TMEM117: variants seen among roughly 807,000 people sequenced by gnomAD.
TMEM117 encodes the protein transmembrane protein 117.
A neutral mutation model predicts 52.4 loss-of-function variants in TMEM117; 27 were observed. That is an observed-to-expected ratio of 0.51 (90% CI 0.38 to 0.71). TMEM117 has a LOEUF of 0.71. Ranked by LOEUF, TMEM117 falls within the 30% of genes least tolerant of loss-of-function variation. The pLI, the probability that TMEM117 is intolerant of heterozygous loss-of-function variation, is 0.00. For missense variants in TMEM117, 556 were observed against 630.5 expected (o/e 0.88, Z 1.26); for synonymous variants, 215 against 206.3 (o/e 1.04, Z -0.36).
At chr12:43,802,145 G>A in the TMEM117 span, 7 of 503,446 alleles carry the variant, frequency 1.4e-5, no homozygotes, top group South Asian at 5.1e-5. Flanking sequence ...CTGATTCTCC[G>A]TTATCAATCC....
intron 4 of TMEM117, among the ~76,000 whole-genome samples, chr12:44,194,423 A>G (rs1949392665): frequency 6.6e-6 from 1 of 152,220 alleles, no homozygotes. Flanking sequence ...TGCTAATTTA[A>G]GTATGCAGAG....
chr12:44,233,070 G>T (rs566676295), intron 5 of TMEM117, among the ~76,000 whole-genome samples: 1 of 151,236 alleles, frequency 6.6e-6, no homozygotes, highest in East Asian at 1.9e-4. Flanking sequence ...TCTTGTGAAT[G>T]ACAGCTTTGT....
chr12:44,014,190 G>A (rs1245459837), intron 3 of TMEM117, among the ~76,000 whole-genome samples: 1 of 152,152 alleles, frequency 6.6e-6, no homozygotes, highest in Non-Finnish European at 1.5e-5. Flanking sequence ...GCCATTGCAG[G>A]TAGACGGGCC....
intron 6 of TMEM117, among the ~76,000 whole-genome samples, chr12:44,359,265 A>G (rs558436731): frequency 3.2e-3 from 492 of 151,570 alleles, no homozygotes; most frequent in Non-Finnish European, 6.0e-3. Flanking sequence ...TAGAGTGTGT[A>G]TATATATATA....
rs1946474324 is a variant in TMEM117 at position 44,022,730 on chromosome 12, A to T, written c.410+78388A>T. Among the ~76,000 whole-genome samples the T allele has an allele frequency of 2.6e-5, 4 of 152,232 alleles. No homozygotes were observed. The South Asian group carries it at 8.3e-4, about 32-fold the overall frequency. ...TATTAGGAAGGGATAACACTCAGCAATAAAAGTTTCCCCAAATCATCAAAA... is the reference window on the plus strand; with the variant it reads ...TATTAGGAAGGGATAACACTCAGCATTAAAAGTTTCCCCAAATCATCAAAA... On this transcript the variant is annotated intron_variant, in intron 3 of 7. Coordinates refer to ENST00000266534, the MANE Select transcript of TMEM117 (RefSeq NM_032256.3).
At chr12:44,166,779 A>T (rs1235302690) in intron 4 of TMEM117, among the ~76,000 whole-genome samples, 1 of 152,170 alleles carries the variant, frequency 6.6e-6, no homozygotes, top group Non-Finnish European at 1.5e-5. Flanking sequence ...GATAAGAGCA[A>T]TTTCAGCACA....
intron 3 of TMEM117, among the ~76,000 whole-genome samples, chr12:44,003,412 C>T (rs1946145106): frequency 6.6e-6 from 1 of 152,240 alleles, no homozygotes; most frequent in Non-Finnish European, 1.5e-5. Context: ...GAATTCCTGA[C>T]TTCCAACCTC....
chr12:44,132,528 A>G (rs1366790581), intron 3 of TMEM117, among the ~76,000 whole-genome samples: 2 of 152,018 alleles, frequency 1.3e-5, no homozygotes, highest in East Asian at 3.9e-4. Context: ...TGAGCTTCTC[A>G]TCCCTGAGCA....
At chr12:43,997,786 T>C (rs755678417) in intron 3 of TMEM117, among the ~76,000 whole-genome samples, 26 of 152,188 alleles carry the variant, frequency 1.7e-4, no homozygotes, top group Non-Finnish European at 2.6e-4. Context: ...ATTCTTATTA[T>C]TGATATGCCA....
chr12:43,905,597 C>G (rs1944373165), intron 2 of TMEM117, among the ~76,000 whole-genome samples: 1 of 152,080 alleles, frequency 6.6e-6, no homozygotes. Flanking sequence ...TTTCTGGGCT[C>G]TTTGATCTGC....
intron 5 of TMEM117, among the ~76,000 whole-genome samples, chr12:44,277,733 A>ACTG (rs1950531220): frequency 1.4e-5 from 2 of 140,446 alleles, no homozygotes; most frequent in African/African-American, 5.4e-5. Context: ...TGCTGCATCT[A>ACTG]CTGCCACTAG....
At chr12:43,938,065 G>A (rs1482489905) in intron 2 of TMEM117, among the ~76,000 whole-genome samples, 12 of 151,878 alleles carry the variant, frequency 7.9e-5, no homozygotes, top group Admixed American at 2.6e-4. Context: ...AAAAGAGCCC[G>A]TAGGGATTTT....
At chr12:44,013,218 T>C (rs954166681) in intron 3 of TMEM117, among the ~76,000 whole-genome samples, 2 of 151,952 alleles carry the variant, frequency 1.3e-5, no homozygotes, top group African/African-American at 4.8e-5. Flanking sequence ...TTTGTAGAGA[T>C]GGGGTTTCGC....
chr12:44,286,732 T>G (rs1950643438), intron 5 of TMEM117, among the ~76,000 whole-genome samples: 1 of 152,216 alleles, frequency 6.6e-6, no homozygotes, highest in African/African-American at 2.4e-5. Context: ...TCTGGATTTA[T>G]TTACATGTGC....
intron 2 of TMEM117, among the ~76,000 whole-genome samples, chr12:43,900,360 A>T (rs942855554): frequency 6.6e-6 from 1 of 152,176 alleles, no homozygotes; most frequent in African/African-American, 2.4e-5. Flanking sequence ...TTTATTAAGG[A>T]ATTAAAAAGA....
the TMEM117 span, among the ~76,000 whole-genome samples, chr12:43,823,679 A>T: frequency 1.3e-5 from 2 of 152,108 alleles, no homozygotes; most frequent in East Asian, 3.9e-4. Flanking sequence ...ACACCCAGCT[A>T]ATTTTTGTAT....
intron 4 of TMEM117, among the ~76,000 whole-genome samples, chr12:44,199,173 AAG>A (rs1184002203): frequency 3.6e-5 from 3 of 82,724 alleles, no homozygotes; most frequent in African/African-American, 2.5e-4. Flanking sequence ...TGTGTATGTG[AAG>A]ATGTCTCATT....
Position 43,945,714 on chromosome 12 carries a change from G to A in TMEM117, c.410+1372G>A, listed in dbSNP as rs570462493. 9.7e-4 allele frequency among the ~76,000 whole-genome samples: 148 copies of A among 152,306 alleles called. 2 individuals carry two copies. In the Middle Eastern group the frequency reaches 0.01, roughly 11 times the overall value. ...CAATAATAAACCACTTTAGGTATTTGTTGTGTGTTGAAATAGTTACTGAGA... is the reference window on the plus strand; with the variant it reads ...CAATAATAAACCACTTTAGGTATTTATTGTGTGTTGAAATAGTTACTGAGA... On this transcript the variant is annotated intron_variant, in intron 3 of 7. Transcript: ENST00000266534.
chr12:43,942,033 T>C (rs938031739), intron 2 of TMEM117, among the ~76,000 whole-genome samples: 3 of 152,254 alleles, frequency 2.0e-5, no homozygotes. Context: ...GGAACTCTAA[T>C]TGCCGGTCTT....
Sources: gnomAD v4.1 joint callset for allele counts (sites outside exome capture counted in the v4.1 genomes callset) on GRCh38, gnomAD v4.1.1 for gene constraint, MANE v1.5 for transcripts, NCBI Gene and HGNC (gene_info 2026-07-23, HGNC 2026-07-21) for gene names.